ZDHHC2: variants seen among roughly 807,000 people sequenced by gnomAD.
ZDHHC2 encodes palmitoyltransferase ZDHHC2.
Under a neutral mutation model 55.6 loss-of-function variants are expected in ZDHHC2, and 51 were observed. That is an observed-to-expected ratio of 0.92 (90% CI 0.73 to 1.16). The LOEUF is 1.16. ZDHHC2 is among the 50% of genes most tolerant of loss of function. The pLI, the probability that ZDHHC2 is intolerant of heterozygous loss-of-function variation, is 0.00. For missense variants in ZDHHC2, 491 were observed against 442.4 expected (o/e 1.11, Z -0.99); for synonymous variants, 199 against 152.9 (o/e 1.30, Z -2.22).
chr8:17,182,991 A>G (rs1805515511), intron 1 of ZDHHC2, among the ~76,000 whole-genome samples: 1 of 152,124 alleles, frequency 6.6e-6, no homozygotes, highest in Non-Finnish European at 1.5e-5. Context: ...TGAACTCTTG[A>G]CCTCAGGTGA....
rs1350370662 is a variant in ZDHHC2 at position 17,199,607 on chromosome 8, T to G, written c.476+1194T>G. Among the ~76,000 whole-genome samples, 43 of 14,048 alleles carry G rather than the reference T, an allele frequency of 3.1e-3. 2 individuals are homozygous for G. The highest frequency in any genetic ancestry group is 9.6e-3 in the South Asian group (2 of 208). 9.2% of individuals were successfully genotyped at this position (14,048 alleles called of 152,430 possible). A position where few individuals can be genotyped will look rare whatever the true frequency, so the allele number is the denominator to read the frequency against. On this transcript the variant is annotated intron_variant, in intron 6 of 12. Transcript: ENST00000262096. ...CTTCTTCTTTCTTCTTCTTTATTCT[T>G]TCTTCTTCTTCTTCTTCCTTTCTTC...
intron 1 of ZDHHC2, among the ~76,000 whole-genome samples, chr8:17,164,055 C>T (rs1453096351): frequency 1.3e-5 from 2 of 152,050 alleles, no homozygotes; most frequent in Non-Finnish European, 2.9e-5. Flanking sequence ...GGAGGAGGCG[C>T]TGGGTAGGAT....
chr8:17,217,290 TC>T lies in ZDHHC2; in HGVS notation c.*34+45del, dbSNP rs990172545. ...TATTGTTTTATATTTTTAACAGTCT[TC>T]TAATTTTATTAGGGCAAATAGTTTC... On this transcript the variant is annotated intron_variant, in intron 12 of 12. Transcript: ENST00000262096. The T allele has an allele frequency of 5.0e-5, 69 of 1,369,082 alleles. No homozygotes were observed. The African/African-American group carries it at 7.5e-4, about 15-fold the overall frequency. The allele number at this position is 1,369,082 out of a possible 1,614,324, so 84.8% of individuals were successfully genotyped here.
At chr8:17,199,497 T>TTCGTCTTCGTCTTCGTCTTCGTCTTCG (rs1480481564) in intron 6 of ZDHHC2, among the ~76,000 whole-genome samples, 1 of 52,626 alleles carries the variant, frequency 1.9e-5, no homozygotes, top group African/African-American at 6.6e-5. Flanking sequence ...CTTCTTCTTC[T>TTCGTCTTCGTCTTCGTCTTCGTCTTCG]TCTTCTTCTT....
intron 1 of ZDHHC2, among the ~76,000 whole-genome samples, chr8:17,181,215 G>A: frequency 6.6e-6 from 1 of 152,252 alleles, no homozygotes; most frequent in East Asian, 1.9e-4. Flanking sequence ...ATTCAAATTA[G>A]TTGTCATGGT....
At position 17,207,770 on chromosome 8, in the gene ZDHHC2, T is replaced by G. The variant is rs573139557; in HGVS notation, c.598-190T>G. Among the ~76,000 whole-genome samples, 4 of 152,224 alleles carry G rather than the reference T, an allele frequency of 2.6e-5. 1 individual carries two copies. In the South Asian group the frequency reaches 8.3e-4, roughly 32 times the overall value. On this transcript the variant is annotated intron_variant, in intron 7 of 12. Transcript: ENST00000262096. ...AATATCATTTTCATATATATTCATA[T>G]TCTCGTAAACTTTTAACCTGATGAA...
chr8:17,184,745 G>T, intron 1 of ZDHHC2, 44 bp from the exon 2 acceptor site: 1 of 1,520,184 alleles, frequency 6.6e-7, no homozygotes, highest in African/African-American at 1.4e-5. Flanking sequence ...AGCCCCGTTT[G>T]CCATAAGCTT....
At position 17,199,633 on chromosome 8, in the gene ZDHHC2, T is replaced by TG. The variant is rs1226197308; in HGVS notation, c.476+1220_476+1221insG. On this transcript the variant is annotated intron_variant, in intron 6 of 12. Transcript: ENST00000262096. ...TCTTCTTCTTCTTCTTCCTTTCTTC[T>TG]TCTTCTCCTCCTCCTCCTCCCTCCT... Among the ~76,000 whole-genome samples, 65 of 52,450 alleles carry TG rather than the reference T, an allele frequency of 1.2e-3. 1 individual carries two copies. Among genetic ancestry groups the TG allele is most frequent in the Middle Eastern group, 0.019 (1 of 54 alleles). The allele number at this position is 52,450 out of a possible 152,430, so 34.4% of individuals were successfully genotyped here. A position where few individuals can be genotyped will look rare whatever the true frequency, so the allele number is the denominator to read the frequency against.
At chr8:17,156,960 C>A (rs1585626198) in intron 1 of ZDHHC2, 107 bp downstream of exon 1, 1 of 1,092,462 alleles carries the variant, frequency 9.2e-7, no homozygotes, top group East Asian at 3.4e-5. Flanking sequence ...GCGCCCCGGG[C>A]GCTGCCAACC....
At chr8:17,183,407 A>T (rs571016592) in intron 1 of ZDHHC2, among the ~76,000 whole-genome samples, 1 of 152,340 alleles carries the variant, frequency 6.6e-6, no homozygotes, top group Admixed American at 6.5e-5. Flanking sequence ...CCCTCAGATG[A>T]GCTGCTTCAG....
intron 1 of ZDHHC2, among the ~76,000 whole-genome samples, chr8:17,158,793 G>A (rs77731811): frequency 6.6e-6 from 1 of 152,024 alleles, no homozygotes; most frequent in Non-Finnish European, 1.5e-5. Context: ...CTGCCTGCCT[G>A]GCGCAATGCC....
At chr8:17,169,712 A>G (rs750741299) in intron 1 of ZDHHC2, among the ~76,000 whole-genome samples, 20 of 152,196 alleles carry the variant, frequency 1.3e-4, no homozygotes, top group Admixed American at 2.0e-4. Context: ...AGTAAGTGAA[A>G]TGATTTTAGT....
chr8:17,195,614 C>A lies in ZDHHC2; in HGVS notation c.363C>A (p.Thr121=). Residue 121 remains threonine (T), a synonymous_variant, in exon 4 of 13, where the codon ACC becomes ACA. Coordinates refer to ENST00000262096, the MANE Select transcript of ZDHHC2 (RefSeq NM_016353.5). ...AAKDLPIYTR[T]MSGAIRYCDR... ...AGGATCTTCCCATCTATACCAGGAC[C>A]ATGTCTGGAGGTAAATGTTGATAAT... is the stretch of plus-strand genomic sequence containing the variant. 6.2e-7 allele frequency: 1 copy of A among 1,613,766 alleles called. No homozygotes were observed. Among genetic ancestry groups the A allele is most frequent in the Non-Finnish European group, 8.5e-7 (1 of 1,179,730 alleles).
chr8:17,196,400 T>C (rs1806310557), intron 4 of ZDHHC2, among the ~76,000 whole-genome samples: 1 of 151,838 alleles, frequency 6.6e-6, no homozygotes, highest in Admixed American at 6.6e-5. Context: ...ATAAAATATC[T>C]CATTAATGAA....
chr8:17,218,764 A>G (rs1412133352), intron 12 of ZDHHC2, among the ~76,000 whole-genome samples: 2 of 152,308 alleles, frequency 1.3e-5, no homozygotes, highest in South Asian at 2.1e-4. Flanking sequence ...TTCTGATGTC[A>G]TGTTTTCTAT....
intron 1 of ZDHHC2, among the ~76,000 whole-genome samples, chr8:17,181,682 C>G (rs1805439537): frequency 2.6e-5 from 4 of 152,028 alleles, no homozygotes; most frequent in Admixed American, 2.6e-4. Flanking sequence ...ACTCAAAATC[C>G]ACATTAAAAC....
At chr8:17,193,441 G>A (rs1404446208) in intron 3 of ZDHHC2, among the ~76,000 whole-genome samples, 1 of 152,224 alleles carries the variant, frequency 6.6e-6, no homozygotes, top group Non-Finnish European at 1.5e-5. Flanking sequence ...GGGTGACATG[G>A]CACCTCTGTG....
intron 1 of ZDHHC2, among the ~76,000 whole-genome samples, chr8:17,177,556 A>G (rs548821275): frequency 5.3e-5 from 8 of 152,248 alleles, no homozygotes; most frequent in Non-Finnish European, 1.0e-4. Context: ...TCTAACTAAA[A>G]TGATATCATA....
chr8:17,211,029 C>G (rs775090272), intron 10 of ZDHHC2, among the ~76,000 whole-genome samples: 7 of 152,136 alleles, frequency 4.6e-5, no homozygotes, highest in Non-Finnish European at 1.0e-4. Flanking sequence ...AATTCATTGT[C>G]TGGAGACTTT....
Sources: gnomAD v4.1 joint callset for allele counts (sites outside exome capture counted in the v4.1 genomes callset) on GRCh38, gnomAD v4.1.1 for gene constraint, MANE v1.5 for transcripts, NCBI Gene and HGNC (gene_info 2026-07-23, HGNC 2026-07-21) for gene names.